The following PPARGC1A variants were observed in gnomAD, a reference collection of about 807,000 sequenced individuals.
The protein encoded by PPARGC1A is PPARG coactivator 1 alpha, also known as peroxisome proliferator-activated receptor gamma coactivator 1-alpha.
In PPARGC1A, 25 loss-of-function variants were observed where a neutral mutation model predicts 88.7. That is an observed-to-expected ratio of 0.28 (90% confidence interval 0.21 to 0.39). The LOEUF is 0.39. PPARGC1A is among the 10% of genes least tolerant of loss of function. PPARGC1A has a pLI of 1.00. For synonymous variants in PPARGC1A, 363 were observed against 355.6 expected, an observed-to-expected ratio of 1.02 and a Z score of -0.24; for missense variants, 880 against 968.7, an observed-to-expected ratio of 0.91 and a Z score of 1.22.
the PPARGC1A span, among the ~76,000 whole-genome samples, chr4:24,470,034 C>A: frequency 6.6e-6 from 1 of 152,150 alleles, no homozygotes; most frequent in African/African-American, 2.4e-5. This position sits in a 1 kb window ranked among gnomAD's most constrained non-coding sequence, Gnocchi z 5.8. Flanking sequence ...ACCCAAGTCT[C>A]CTTCCTCTCT....
At chr4:23,931,372 G>A in the PPARGC1A span, among the ~76,000 whole-genome samples, 4 of 152,058 alleles carry the variant, frequency 2.6e-5, no homozygotes, top group Non-Finnish European at 2.9e-5. Flanking sequence ...TATTACCTCT[G>A]GGTAGAAGGT....
chr4:24,132,115 G>A, the PPARGC1A span, among the ~76,000 whole-genome samples: 1 of 152,138 alleles, frequency 6.6e-6, no homozygotes, highest in Non-Finnish European at 1.5e-5. Flanking sequence ...CAACAACCCC[G>A]TGAGGGTGGT....
chr4:23,934,456 G>A, the PPARGC1A span, among the ~76,000 whole-genome samples: 5 of 152,132 alleles, frequency 3.3e-5, no homozygotes, highest in South Asian at 1.0e-3. Flanking sequence ...CAGACTGGTG[G>A]GGTTTTTGTT....
At chr4:24,368,300 C>A in the PPARGC1A span, among the ~76,000 whole-genome samples, 1 of 152,162 alleles carries the variant, frequency 6.6e-6, no homozygotes, top group African/African-American at 2.4e-5. Flanking sequence ...AAGTACCATA[C>A]AATTTTAGGG....
chr4:24,263,013 G>A, the PPARGC1A span, among the ~76,000 whole-genome samples: 21 of 152,236 alleles, frequency 1.4e-4, no homozygotes, highest in South Asian at 1.0e-3. Context: ...ACAGTCCTAC[G>A]TAGATTTTAA....
chr4:24,079,477 T>G, the PPARGC1A span, among the ~76,000 whole-genome samples: 1,051 of 96,386 alleles, frequency 0.011, 12 homozygotes, highest in African/African-American at 0.036. Context: ...TATTTCTTAT[T>G]TGTATGAGAT....
chr4:24,454,572 C>CA, the PPARGC1A span, among the ~76,000 whole-genome samples: 11 of 151,272 alleles, frequency 7.3e-5, no homozygotes, highest in East Asian at 2.0e-4. Flanking sequence ...CTTGTTTCTA[C>CA]AAAAAAAATT....
the PPARGC1A span, among the ~76,000 whole-genome samples, chr4:24,179,980 T>C: frequency 6.6e-6 from 1 of 152,200 alleles, no homozygotes; most frequent in Non-Finnish European, 1.5e-5. Context: ...CTACCCACCA[T>C]GCTACCAAGG....
the PPARGC1A span, among the ~76,000 whole-genome samples, chr4:24,381,459 C>A: frequency 8.1e-4 from 123 of 152,214 alleles, no homozygotes; most frequent in African/African-American, 2.9e-3. Context: ...TAATGATTAC[C>A]CAAGAAATGA....
the PPARGC1A span, among the ~76,000 whole-genome samples, chr4:24,169,207 A>G: frequency 6.6e-6 from 1 of 152,190 alleles, no homozygotes; most frequent in African/African-American, 2.4e-5. Flanking sequence ...AGGACATTCT[A>G]CAAAATTCCG....
At chr4:24,027,196 A>AGTGTGTGTGTGT in the PPARGC1A span, among the ~76,000 whole-genome samples, 2,218 of 133,396 alleles carry the variant, frequency 0.017, 27 homozygotes, top group South Asian at 0.025. Context: ...ACCTCAGGCT[A>AGTGTGTGTGTGT]GTGTGTGTGT....
At chr4:24,126,267 C>CCACACACACACACACACA in the PPARGC1A span, among the ~76,000 whole-genome samples, 981 of 146,508 alleles carry the variant, frequency 6.7e-3, 8 homozygotes, top group South Asian at 0.012. Context: ...TGGCTTCTCA[C>CCACACACACACACACACA]CACACACACA....
chr4:24,020,309 C>T, the PPARGC1A span, among the ~76,000 whole-genome samples: 1 of 152,102 alleles, frequency 6.6e-6, no homozygotes, highest in Non-Finnish European at 1.5e-5. Context: ...GGAAGAAAGG[C>T]TCAATACGGC....
At chr4:24,165,700 C>T in the PPARGC1A span, among the ~76,000 whole-genome samples, 1 of 152,030 alleles carries the variant, frequency 6.6e-6, no homozygotes, top group Non-Finnish European at 1.5e-5. Flanking sequence ...TTTAATGTTA[C>T]TATTGTATTT....
the PPARGC1A span, among the ~76,000 whole-genome samples, chr4:24,296,587 T>C: frequency 6.6e-6 from 1 of 152,122 alleles, no homozygotes. Flanking sequence ...ACATGGTTGG[T>C]GGCCATGATG....
At chr4:24,331,767 T>TA in the PPARGC1A span, among the ~76,000 whole-genome samples, 12 of 143,662 alleles carry the variant, frequency 8.4e-5, no homozygotes, top group African/African-American at 2.3e-4. Context: ...TGTGTTTATT[T>TA]TATATATATA....
intron 10 of PPARGC1A, among the ~76,000 whole-genome samples, chr4:23,805,062 A>C (rs1230109440): frequency 6.6e-6 from 1 of 152,216 alleles, no homozygotes; most frequent in Non-Finnish European, 1.5e-5. Context: ...AACATAACAG[A>C]CTATCAATGA....
At chr4:24,324,377 C>G in the PPARGC1A span, among the ~76,000 whole-genome samples, 2 of 152,082 alleles carry the variant, frequency 1.3e-5, no homozygotes, top group Admixed American at 6.5e-5. Flanking sequence ...TGCCCAATCC[C>G]TTATTTCCAT....
At chr4:24,132,464 C>T in the PPARGC1A span, among the ~76,000 whole-genome samples, 62 of 152,240 alleles carry the variant, frequency 4.1e-4, no homozygotes, top group African/African-American at 1.4e-3. Context: ...GCAGAACTCT[C>T]GAGTAATACA....
Sources: allele counts gnomAD v4.1 joint callset (sites outside exome capture counted in the v4.1 genomes callset), GRCh38; gene constraint gnomAD v4.1.1; non-coding constraint Gnocchi (gnomAD v3.1); transcripts MANE v1.5; gene names NCBI Gene and HGNC (gene_info 2026-07-23, HGNC 2026-07-21).